The following TOX2 variants were observed in gnomAD, a reference collection of about 807,000 sequenced individuals.
The protein encoded by TOX2 is granulosa cell HMG box 1.
Under a neutral mutation model 47.4 loss-of-function variants are expected in TOX2, and 15 were observed. The observed-to-expected ratio is 0.32, with a 90% CI of 0.21 to 0.49. TOX2 has a LOEUF of 0.49. Among genes scored for constraint, TOX2 ranks in the 20% least tolerant of loss-of-function variants. TOX2 has a pLI of 0.99. For missense variants in TOX2, 622 were observed against 673.1 expected (o/e 0.92, Z 0.84); for synonymous variants, 290 against 296.6 (o/e 0.98, Z 0.23).
chr20:44,061,320 TAAAG>T (rs768584348), intron 5 of TOX2, among the ~76,000 whole-genome samples: 19 of 152,052 alleles, frequency 1.2e-4, no homozygotes, highest in Admixed American at 9.8e-4. Flanking sequence ...TTCCACAAAA[TAAAG>T]AGGGAATCCT....
intron 1 of TOX2, among the ~76,000 whole-genome samples, chr20:43,947,349 GCA>G (rs2069490961): frequency 6.6e-6 from 1 of 152,238 alleles, no homozygotes; most frequent in Non-Finnish European, 1.5e-5. Context: ...GTATATGTAT[GCA>G]CACATGCACG....
chr20:44,054,364 A>G lies in TOX2; in HGVS notation c.717A>G (p.Lys239=). 3.7e-6 allele frequency: 6 copies of G among 1,612,104 alleles called. No individual in the cohort carries two copies. Among genetic ancestry groups the G allele is most frequent in the Non-Finnish European group, 3.4e-6 (4 of 1,179,520 alleles). Residue 239 remains lysine, a synonymous_variant, in exon 5 of 9, where the codon AAA becomes AAG. Transcript: ENST00000341197. ...AGGCCAAGAACCCGAAGAAGAAGAA[A>G]AAGAAGGACCCCAATGAGCCGCAGA... is the stretch of plus-strand genomic sequence containing the variant. ...GKKAKNPKKK[K]KKDPNEPQKP... is the part of the protein sequence containing the mutation.
chr20:44,011,281 G>A (rs2070774139), intron 3 of TOX2, among the ~76,000 whole-genome samples: 1 of 152,166 alleles, frequency 6.6e-6, no homozygotes, highest in African/African-American at 2.4e-5. Flanking sequence ...CCTCAGCTGT[G>A]CGACAGCCTT....
chr20:43,961,637 C>T (rs888158194), intron 1 of TOX2, among the ~76,000 whole-genome samples: 10 of 152,202 alleles, frequency 6.6e-5, no homozygotes, highest in East Asian at 1.9e-4. Flanking sequence ...GGAGCAGGGA[C>T]GAGCCCACAG....
chr20:44,048,419 A>ATATATATATATATATATAT (rs1264056327), intron 3 of TOX2, among the ~76,000 whole-genome samples: 4 of 48,658 alleles, frequency 8.2e-5, no homozygotes, highest in Admixed American at 3.7e-4. Context: ...TATATGTATA[A>ATATATATATATATATATAT]TTTACCAAAA....
intron 3 of TOX2, among the ~76,000 whole-genome samples, chr20:44,025,004 T>C (rs2071038100): frequency 6.6e-6 from 1 of 152,220 alleles, no homozygotes; most frequent in African/African-American, 2.4e-5. Context: ...GGTCTTGCTC[T>C]TCCTTTTAGT....
At chr20:44,064,457 T>C (rs566980778) in intron 5 of TOX2, among the ~76,000 whole-genome samples, 2 of 152,354 alleles carry the variant, frequency 1.3e-5, no homozygotes, top group Admixed American at 6.5e-5. Flanking sequence ...ATCTGCACTG[T>C]GCTGGCTCAG....
intron 8 of TOX2, among the ~76,000 whole-genome samples, chr20:44,068,279 G>A (rs1048215348): frequency 2.0e-5 from 3 of 152,100 alleles, no homozygotes; most frequent in South Asian, 4.1e-4. Context: ...CAGCAGGGCC[G>A]TATTTTAAAA....
intron 3 of TOX2, among the ~76,000 whole-genome samples, chr20:44,024,965 A>G (rs2071037317): frequency 6.6e-6 from 1 of 152,138 alleles, no homozygotes; most frequent in Admixed American, 6.5e-5. Context: ...ACAGTGTATC[A>G]TGTGTATACT....
At chr20:44,064,699 C>G (rs2071778778) in intron 5 of TOX2, 78 bp from the exon 6 acceptor site, 2 of 1,383,658 alleles carry the variant, frequency 1.4e-6, no homozygotes, top group East Asian at 4.6e-5. Flanking sequence ...TGAATCCATG[C>G]CTTCCCACCC....
intron 2 of TOX2, among the ~76,000 whole-genome samples, chr20:43,981,626 T>C (rs2070170499): frequency 6.6e-6 from 1 of 152,238 alleles, no homozygotes; most frequent in South Asian, 2.1e-4. Context: ...GAATTTATTA[T>C]AACTTTAGAA....
chr20:43,978,434 T>C (rs180863795), intron 2 of TOX2, among the ~76,000 whole-genome samples: 1 of 152,272 alleles, frequency 6.6e-6, no homozygotes, highest in East Asian at 1.9e-4. Flanking sequence ...CAGAGGAAGC[T>C]AAACTAAGAG....
Position 43,951,707 on chromosome 20 carries a change from G to GGTTTTTTTTTTTTTTTTTTTTTTT in TOX2, c.100-21660_100-21659insGTTTTTTTTTTTTTTTTTTTTTTT. 8.0e-4 allele frequency among the ~76,000 whole-genome samples: 44 copies of GGTTTTTTTTTTTTTTTTTTTTTTT among 55,086 alleles called. 2 individuals are homozygous for GGTTTTTTTTTTTTTTTTTTTTTTT. Among genetic ancestry groups the GGTTTTTTTTTTTTTTTTTTTTTTT allele is most frequent in the East Asian group, 2.1e-3 (4 of 1,890 alleles). The allele number at this position is 55,086 out of a possible 152,430, so 36.1% of individuals were successfully genotyped here. ...TGACCATTACTATTAAACTTATTAT[G>GGTTTTTTTTTTTTTTTTTTTTTTT]TTTTTTTTTTTTTTTTTTTTTAGAG... On this transcript the variant is annotated intron_variant, in intron 1 of 8. Coordinates refer to ENST00000341197, the MANE Select transcript of TOX2 (RefSeq NM_001098797.2).
At chr20:43,966,531 G>C (rs2069856554) in intron 1 of TOX2, among the ~76,000 whole-genome samples, 1 of 152,074 alleles carries the variant, frequency 6.6e-6, no homozygotes, top group Non-Finnish European at 1.5e-5. Flanking sequence ...GCCGAGGCAG[G>C]CAGGTCACTT....
rs756138400 is a variant in TOX2, at chr20:44,062,404, A to AAATAAATAAATG, written c.880-2370_880-2369insAAATAAATGAAT. 1.8e-3 allele frequency among the ~76,000 whole-genome samples: 264 copies of AAATAAATAAATG among 145,092 alleles called. 1 individual carries two copies. Among genetic ancestry groups the AAATAAATAAATG allele is most frequent in the Admixed American group, 3.7e-3 (54 of 14,544 alleles). On this transcript the variant is annotated intron_variant, in intron 5 of 8. Coordinates refer to ENST00000341197, the MANE Select transcript of TOX2 (RefSeq NM_001098797.2). ...TAAATAAATAAATAAATAAATAAAT[A>AAATAAATAAATG]AATGAATAAATAAAATACTTAGGAA...
intron 1 of TOX2, among the ~76,000 whole-genome samples, chr20:43,926,694 A>G (rs1226159121): frequency 2.6e-5 from 4 of 152,174 alleles, no homozygotes; most frequent in Non-Finnish European, 5.9e-5. Context: ...TCTCTCCTGT[A>G]TCAGTTCCCT....
chr20:44,021,615 C>A (rs2070976795), intron 3 of TOX2, among the ~76,000 whole-genome samples: 1 of 152,064 alleles, frequency 6.6e-6, no homozygotes, highest in South Asian at 2.1e-4. Flanking sequence ...TTGGCTGTGC[C>A]CTGCATGCTT....
chr20:43,979,292 G>A (rs150547580), intron 2 of TOX2, among the ~76,000 whole-genome samples: 3 of 152,264 alleles, frequency 2.0e-5, no homozygotes, highest in Admixed American at 6.5e-5. Context: ...AGGGAAGAAC[G>A]AGAAGAGCAG....
chr20:43,965,118 G>A (rs2069827384), intron 1 of TOX2, among the ~76,000 whole-genome samples: 1 of 152,214 alleles, frequency 6.6e-6, no homozygotes, highest in South Asian at 2.1e-4. Flanking sequence ...TCTTTTCAGG[G>A]TTTGGGGAAG....
Sources: allele counts gnomAD v4.1 joint callset (sites outside exome capture counted in the v4.1 genomes callset), GRCh38; gene constraint gnomAD v4.1.1; transcripts MANE v1.5; gene names NCBI Gene and HGNC (gene_info 2026-07-23, HGNC 2026-07-21).